ARHGAP21: variants seen among roughly 807,000 people sequenced by gnomAD.
The protein encoded by ARHGAP21 is Rho GTPase activating protein 21.
Under a neutral mutation model 164.6 loss-of-function variants are expected in ARHGAP21, and 38 were observed. The observed-to-expected ratio is 0.23, with a 90% CI of 0.18 to 0.30. The LOEUF (loss-of-function observed/expected upper bound fraction) is 0.30, where lower values mean the gene tolerates loss of function less well. ARHGAP21 is among the 10% of genes least tolerant of loss of function. The pLI is 1.00. For synonymous variants in ARHGAP21, 766 were observed against 857.9 expected (o/e 0.89, Z 1.87); for missense variants, 1,822 against 2,370.7 (o/e 0.77, Z 4.81).
chr10:24,595,838 C>G (rs751674077), intron 18 of ARHGAP21, 43 bp from the exon 19 acceptor site: 30 of 1,595,978 alleles, frequency 1.9e-5, no homozygotes, highest in Non-Finnish European at 2.4e-5. Flanking sequence ...ATATCCAGTT[C>G]CACCAAAGGG....
chr10:24,640,340 A>T (rs1275580184), intron 4 of ARHGAP21: 1 of 151,490 alleles, frequency 6.6e-6, no homozygotes, highest in Non-Finnish European at 1.5e-5. Flanking sequence ...TATAACTGAG[A>T]TTGAGCTTTT....
chr10:24,669,649 G>C (rs1349776492), intron 3 of ARHGAP21, among the ~76,000 whole-genome samples: 2 of 152,160 alleles, frequency 1.3e-5, no homozygotes, highest in African/African-American at 4.8e-5. Context: ...ATAACGAATG[G>C]TAAGGAACAC....
In ARHGAP21 at chr10:24,680,032, A is replaced by T. The variant is rs147017977; in HGVS notation, c.64-9635T>A. 9.9e-3 allele frequency among the ~76,000 whole-genome samples: 1,503 copies of T among 152,284 alleles called. 21 individuals carry two copies. Among genetic ancestry groups the T allele is most frequent in the East Asian group, 0.038 (196 of 5,170 alleles). On this transcript the variant is annotated intron_variant, in intron 2 of 25. Transcript: ENST00000396432. ...CCCACCCTAAAACTTAAAGTATAAT[A>T]ATTAAAAAAGAAGAAAAGAAAAAAA...
rs778234663 is a variant in ARHGAP21, at chr10:24,595,851, A to G, written c.3633+37T>C. The G allele has an allele frequency of 1.8e-5, 14 of 765,364 alleles. 1 individual carries two copies. The South Asian group carries it at 1.8e-4, about 10-fold the overall frequency. 47.4% of individuals were successfully genotyped at this position (765,364 alleles called of 1,614,324 possible). A position where few individuals can be genotyped will look rare whatever the true frequency, so the allele number is the denominator to read the frequency against. On this transcript the variant is annotated intron_variant, in intron 18 of 25. Transcript: ENST00000396432. Reference sequence around the variant, plus strand: ...TCATATCCAGTTCCACCAAAGGGGGAAAAAAAAGGATCAGTTATTCAAATA... The same window carrying G: ...TCATATCCAGTTCCACCAAAGGGGGGAAAAAAAGGATCAGTTATTCAAATA...
intron 2 of ARHGAP21, among the ~76,000 whole-genome samples, chr10:24,673,098 C>T (rs1840871346): frequency 6.6e-6 from 1 of 152,190 alleles, no homozygotes; most frequent in Non-Finnish European, 1.5e-5. Context: ...AGACGCAGTA[C>T]TGTTACAATG....
At chr10:24,596,572 T>G (rs527548891) in intron 17 of ARHGAP21, 168 bp downstream of exon 17, 2 of 840,958 alleles carry the variant, frequency 2.4e-6, no homozygotes, top group South Asian at 4.0e-5. Flanking sequence ...GTCAATACAT[T>G]AGAAAAAAAG....
In ARHGAP21 at chr10:24,635,108, T is replaced by TA; in HGVS notation, c.269-6dup. On this transcript the variant is annotated splice_region_variant and splice_polypyrimidine_tract_variant and intron_variant, in intron 4 of 25. Coordinates refer to ENST00000396432, the MANE Select transcript of ARHGAP21 (RefSeq NM_020824.4). Reference sequence around the variant, plus strand: ...CCAAGCGGTTTCTTTGTTTTCCTGTTACAGAGAAGCCCAAAGCATGATTTT... The same window carrying TA: ...CCAAGCGGTTTCTTTGTTTTCCTGTTAACAGAGAAGCCCAAAGCATGATTTT... 1.9e-6 allele frequency: 3 copies of TA among 1,574,646 alleles called. No homozygotes were observed. The highest frequency in any genetic ancestry group is 2.6e-6 in the Non-Finnish European group (3 of 1,160,520).
intron 2 of ARHGAP21, among the ~76,000 whole-genome samples, chr10:24,704,270 G>A (rs560767914): frequency 2.7e-5 from 4 of 148,368 alleles, no homozygotes; most frequent in South Asian, 4.3e-4. Flanking sequence ...TTTATGCTAA[G>A]TTCTACATTT....
At chr10:24,655,772 C>T (rs1404904605) in intron 4 of ARHGAP21, among the ~76,000 whole-genome samples, 2 of 132,736 alleles carry the variant, frequency 1.5e-5, no homozygotes, top group Non-Finnish European at 3.2e-5. Context: ...AAGTGAGGAG[C>T]GCCTCTTCCC....
chr10:24,628,922 T>TATATACATAC (rs1294116336), intron 7 of ARHGAP21: 2 of 113,040 alleles, frequency 1.8e-5, no homozygotes, highest in African/African-American at 6.9e-5. Flanking sequence ...TATACACATA[T>TATATACATAC]ATATACATAC....
chr10:24,665,545 A>G (rs1840106039), intron 4 of ARHGAP21, among the ~76,000 whole-genome samples: 1 of 152,250 alleles, frequency 6.6e-6, no homozygotes, highest in Admixed American at 6.5e-5. Flanking sequence ...AAAATCTAGA[A>G]GAGGCAAAAA....
intron 12 of ARHGAP21, among the ~76,000 whole-genome samples, 160 bp from the exon 13 acceptor site, chr10:24,602,263 T>TAAA (rs2130916288): frequency 6.6e-6 from 1 of 152,338 alleles, no homozygotes; most frequent in African/African-American, 2.4e-5. Flanking sequence ...TAGTCTCATT[T>TAAA]AAAAAATGTG....
intron 4 of ARHGAP21, among the ~76,000 whole-genome samples, chr10:24,658,529 G>A (rs1383928071): frequency 6.6e-6 from 1 of 152,188 alleles, no homozygotes; most frequent in African/African-American, 2.4e-5. Flanking sequence ...GTCCTTTGTA[G>A]AGACGTCGAT....
In ARHGAP21 at chr10:24,702,333, G is replaced by A. The variant is rs894214875; in HGVS notation, c.63+19504C>T. 2.1e-4 allele frequency among the ~76,000 whole-genome samples: 32 copies of A among 151,648 alleles called. 2 individuals are homozygous for A. Among genetic ancestry groups the A allele is most frequent in the Non-Finnish European group, 1.3e-4 (9 of 67,870 alleles). On this transcript the variant is annotated intron_variant, in intron 2 of 25. Coordinates refer to ENST00000396432, the MANE Select transcript of ARHGAP21 (RefSeq NM_020824.4). The stretch of plus-strand genomic sequence containing the variant: ...TTTTTAGTAGAGACGGGGTTTCACC[G>A]TGTTAGCCAGGATGGTCTCGATCTC...
intron 4 of ARHGAP21, among the ~76,000 whole-genome samples, chr10:24,642,584 C>T (rs1187057529): frequency 2.0e-5 from 3 of 151,516 alleles, no homozygotes; most frequent in African/African-American, 7.3e-5. Context: ...TAGCATTCTG[C>T]ACTATGTGAT....
In ARHGAP21 at chr10:24,722,384, CA is replaced by C. The variant is rs879573327; in HGVS notation, c.-380-106del. 140 of 152,980 alleles carry C rather than the reference CA, an allele frequency of 9.2e-4. 1 individual carries two copies. The highest frequency in any genetic ancestry group is 1.7e-3 in the Non-Finnish European group (114 of 68,884). 9.5% of individuals were successfully genotyped at this position (152,980 alleles called of 1,614,324 possible). A position where few individuals can be genotyped will look rare whatever the true frequency, so the allele number is the denominator to read the frequency against. Reference sequence around the variant, plus strand: ...CGCGTTTCCTCCCGAGCAAAACAAACAAAAAAAAATTTTAACGTAAACAAAC... The same window carrying C: ...CGCGTTTCCTCCCGAGCAAAACAAACAAAAAAAATTTTAACGTAAACAAAC... On this transcript the variant is annotated intron_variant, in intron 1 of 25. Transcript: ENST00000396432.
chr10:24,595,294 T>G, intron 19 of ARHGAP21, 104 bp from the exon 20 acceptor site: 2 of 955,852 alleles, frequency 2.1e-6, no homozygotes, highest in Non-Finnish European at 1.6e-6. Context: ...TAGGAAAGAG[T>G]TCTAATAGTT....
At position 24,600,639 on chromosome 10, in the gene ARHGAP21, C is replaced by T. The variant is rs757238344; in HGVS notation, c.3132+7G>A. The stretch of plus-strand genomic sequence containing the variant: ...CAGATTTCTCCAGCATTCCTTTGAA[C>T]ACCCACCTCTTCGTTTAGGTTGCTG... On this transcript the variant is annotated splice_region_variant and intron_variant, in intron 14 of 25. Coordinates refer to ENST00000396432, the MANE Select transcript of ARHGAP21 (RefSeq NM_020824.4). 1.7e-5 allele frequency: 28 copies of T among 1,611,146 alleles called. No homozygotes were observed. Among genetic ancestry groups the T allele is most frequent in the Non-Finnish European group, 2.4e-5 (28 of 1,177,816 alleles).
At chr10:24,709,304 G>A (rs1251064657) in intron 2 of ARHGAP21, among the ~76,000 whole-genome samples, 2 of 152,146 alleles carry the variant, frequency 1.3e-5, no homozygotes, top group African/African-American at 4.8e-5. Flanking sequence ...AGGACTAGAT[G>A]GATTCACAGC....
Sources: allele counts gnomAD v4.1 joint callset (sites outside exome capture counted in the v4.1 genomes callset), GRCh38; gene constraint gnomAD v4.1.1; transcripts MANE v1.5; gene names NCBI Gene and HGNC (gene_info 2026-07-23, HGNC 2026-07-21).